The following CPNE4 variants were observed in gnomAD, a reference collection of about 807,000 sequenced individuals.
CPNE4 encodes copine-4.
A neutral mutation model predicts 67.9 loss-of-function variants in CPNE4; 25 were observed. The ratio of observed to expected loss-of-function variants is 0.37; its 90% CI spans 0.27 to 0.51. The LOEUF (loss-of-function observed/expected upper bound fraction) is 0.51. Among genes scored for constraint, CPNE4 ranks in the 20% least tolerant of loss-of-function variants. The pLI, the probability that CPNE4 is intolerant of heterozygous loss-of-function variation, is 0.93. For missense variants in CPNE4, 464 were observed against 690.8 expected (o/e 0.67, Z 3.68); for synonymous variants, 242 against 244.9 (o/e 0.99, Z 0.11).
chr3:131,805,944 C>G (rs933529633), intron 2 of CPNE4, among the ~76,000 whole-genome samples: 4 of 152,180 alleles, frequency 2.6e-5, no homozygotes, highest in Admixed American at 1.3e-4. Flanking sequence ...ATTATTGCAG[C>G]CTTCTTTGGG....
chr3:131,621,538 G>A (rs1940465319), intron 7 of CPNE4, among the ~76,000 whole-genome samples: 1 of 152,044 alleles, frequency 6.6e-6, no homozygotes, highest in Non-Finnish European at 1.5e-5. Context: ...GAGCCACCAT[G>A]CCCAGCCCTC....
At chr3:131,715,746 G>T (rs1049497878) in intron 3 of CPNE4, among the ~76,000 whole-genome samples, 1 of 152,188 alleles carries the variant, frequency 6.6e-6, no homozygotes, top group Admixed American at 6.5e-5. Flanking sequence ...AAAATATGAG[G>T]ATGAATGAAT....
At chr3:131,951,431 T>C (rs979177458) in intron 1 of CPNE4, among the ~76,000 whole-genome samples, 2 of 152,206 alleles carry the variant, frequency 1.3e-5, no homozygotes, top group Non-Finnish European at 1.5e-5. Flanking sequence ...TGGCAGAAAC[T>C]ACTATTTACA....
intron 8 of CPNE4, among the ~76,000 whole-genome samples, chr3:131,585,467 G>T (rs769785555): frequency 7.2e-5 from 11 of 152,172 alleles, no homozygotes; most frequent in Non-Finnish European, 1.5e-4. Context: ...TGGTAGCTCA[G>T]TGATTCAGAA....
rs1342279441 is a variant in CPNE4 at position 131,534,337 on chromosome 3, T to C, written c.*858A>G. ...TCACCTCTGGAGACAGGCAGGACTT[T>C]TGTGCTACTGTCAGGAAGAGGTGCC... On this transcript the variant is annotated 3_prime_UTR_variant, in exon 16 of 16. Transcript: ENST00000429747. 1 of 152,172 alleles carries C rather than the reference T, an allele frequency of 6.6e-6. No homozygotes were observed. Among genetic ancestry groups the C allele is most frequent in the African/African-American group, 2.4e-5 (1 of 41,438 alleles). The allele number at this position is 152,172 out of a possible 1,614,324, so 9.4% of individuals were successfully genotyped here. A position where few individuals can be genotyped will look rare whatever the true frequency, so the allele number is the denominator to read the frequency against.
At chr3:131,822,470 T>C (rs2084996181) in intron 2 of CPNE4, among the ~76,000 whole-genome samples, 1 of 152,200 alleles carries the variant, frequency 6.6e-6, no homozygotes, top group African/African-American at 2.4e-5. Flanking sequence ...CAATTTCATA[T>C]CCATATATAA....
At chr3:131,834,540 G>A (rs552691455) in intron 2 of CPNE4, among the ~76,000 whole-genome samples, 2 of 152,018 alleles carry the variant, frequency 1.3e-5, no homozygotes, top group East Asian at 3.9e-4. Flanking sequence ...GAATCACTAA[G>A]TAAACAAGAG....
intron 1 of CPNE4, among the ~76,000 whole-genome samples, chr3:131,908,415 G>A (rs775584936): frequency 2.0e-5 from 3 of 152,076 alleles, no homozygotes; most frequent in Non-Finnish European, 4.4e-5. Context: ...TTGTAAGTGT[G>A]TTACAAACTC....
At chr3:131,920,113 CT>C (rs2070700004) in intron 1 of CPNE4, among the ~76,000 whole-genome samples, 1 of 152,158 alleles carries the variant, frequency 6.6e-6, no homozygotes, top group South Asian at 2.1e-4. Flanking sequence ...TTCATAAATG[CT>C]GCAGGCCAAA....
intron 2 of CPNE4, among the ~76,000 whole-genome samples, chr3:131,746,758 A>G (rs1380918853): frequency 2.0e-5 from 3 of 152,142 alleles, no homozygotes; most frequent in Non-Finnish European, 4.4e-5. Context: ...TCTTTGATAT[A>G]CTGATTTTAT....
chr3:131,605,850 C>T (rs1939468930), intron 7 of CPNE4, among the ~76,000 whole-genome samples: 1 of 152,090 alleles, frequency 6.6e-6, no homozygotes, highest in Admixed American at 6.5e-5. Flanking sequence ...ATACCATTCA[C>T]CTACATGTGA....
At chr3:131,761,306 C>T (rs2082885071) in intron 2 of CPNE4, among the ~76,000 whole-genome samples, 2 of 148,556 alleles carry the variant, frequency 1.3e-5, no homozygotes, top group Non-Finnish European at 3.0e-5. Flanking sequence ...GCCTAGAATT[C>T]CTGAGCTCAG....
chr3:131,937,785 T>A (rs1268513009), intron 1 of CPNE4, among the ~76,000 whole-genome samples: 2 of 152,024 alleles, frequency 1.3e-5, no homozygotes, highest in East Asian at 3.9e-4. Context: ...ACCATATCAT[T>A]TAAAATTGAA....
chr3:131,610,860 C>G (rs145408281), intron 7 of CPNE4, among the ~76,000 whole-genome samples: 5 of 152,234 alleles, frequency 3.3e-5, no homozygotes, highest in African/African-American at 1.2e-4. Context: ...TGGAATCATC[C>G]AAGTGTACGG....
rs992266838 is a variant in CPNE4, at chr3:131,699,705, A to AT, written c.432+203dup. Among the ~76,000 whole-genome samples the AT allele has an allele frequency of 1.1e-4, 16 of 152,250 alleles. 1 individual carries two copies. The highest frequency in any genetic ancestry group is 6.5e-4 in the Admixed American group (10 of 15,288). On this transcript the variant is annotated intron_variant, in intron 4 of 15. Transcript: ENST00000429747. The stretch of plus-strand genomic sequence containing the variant: ...TACTTTCAAATGCTTTTCCTTTTTT[A>AT]TTTTTCCTAGAGTTAGAAGGATCAA...
chr3:132,002,452 A>G (rs1043695318), intron 1 of CPNE4, among the ~76,000 whole-genome samples: 1 of 152,136 alleles, frequency 6.6e-6, no homozygotes, highest in Admixed American at 6.6e-5. Context: ...TTCTTGCCAC[A>G]TCTTACTCAA....
chr3:131,982,630 G>A (rs777180580), intron 1 of CPNE4, among the ~76,000 whole-genome samples: 3 of 152,076 alleles, frequency 2.0e-5, no homozygotes, highest in Non-Finnish European at 4.4e-5. Context: ...GTCATTGGTG[G>A]TATATTATTG....
chr3:131,843,317 C>T (rs2107624439), intron 2 of CPNE4, among the ~76,000 whole-genome samples: 1 of 152,272 alleles, frequency 6.6e-6, no homozygotes, highest in East Asian at 1.9e-4. Flanking sequence ...ACAGGGCTTG[C>T]TATTTGAATT....
chr3:132,009,724 G>C (rs894472295), intron 1 of CPNE4, among the ~76,000 whole-genome samples: 2 of 152,192 alleles, frequency 1.3e-5, no homozygotes, highest in African/African-American at 2.4e-5. Context: ...TTTAGTGGCA[G>C]GTAAACATTT....
Sources: gnomAD v4.1 joint callset for allele counts (sites outside exome capture counted in the v4.1 genomes callset) on GRCh38, gnomAD v4.1.1 for gene constraint, MANE v1.5 for transcripts, NCBI Gene and HGNC (gene_info 2026-07-23, HGNC 2026-07-21) for gene names.